The following GUCY1A1 variants were observed in gnomAD, a reference collection of about 807,000 sequenced individuals.
GUCY1A1 encodes guanylate cyclase 1 soluble subunit alpha 1.
Under a neutral mutation model 64.5 loss-of-function variants are expected in GUCY1A1, and 48 were observed. That is an observed-to-expected ratio of 0.74 (90% CI 0.59 to 0.95). The LOEUF (loss-of-function observed/expected upper bound fraction) is 0.95, where lower values mean the gene tolerates loss of function less well. GUCY1A1 is among the 40% of genes least tolerant of loss of function. The pLI, the probability that GUCY1A1 is intolerant of heterozygous loss-of-function variation, is 0.00. For missense variants in GUCY1A1, 804 were observed against 825.3 expected (o/e 0.97, Z 0.32); for synonymous variants, 308 against 303.4 (o/e 1.02, Z -0.16).
At chr4:155,685,882 C>T (rs544905406) in intron 2 of GUCY1A1, among the ~76,000 whole-genome samples, 1 of 152,106 alleles carries the variant, frequency 6.6e-6, no homozygotes, top group Non-Finnish European at 1.5e-5. Flanking sequence ...GCCAGTTTGT[C>T]TTTCCCCTAC....
intron 2 of GUCY1A1, among the ~76,000 whole-genome samples, chr4:155,672,979 G>A (rs75600951): frequency 0.094 from 14,330 of 152,066 alleles, 884 homozygotes; most frequent in South Asian, 0.22. Context: ...TATGGATATT[G>A]TTTTCTTAAG....
chr4:155,732,985 TA>T lies in GUCY1A1; in HGVS notation c.*2758del, dbSNP rs1309725415. 6.6e-6 allele frequency among the ~76,000 whole-genome samples: 1 copy of T among 151,924 alleles called. No homozygotes were observed. Among genetic ancestry groups the T allele is most frequent in the Non-Finnish European group, 1.5e-5 (1 of 67,898 alleles). On this transcript the variant is annotated 3_prime_UTR_variant, in exon 10 of 10. Coordinates refer to ENST00000506455, the MANE Select transcript of GUCY1A1 (RefSeq NM_001130682.3). ...CAAGAAGCAAAGGGAAATACAGAAT[TA>T]AAATGTTTCTTTCCATTTTGCTTTG...
At chr4:155,686,088 A>G (rs1274656254) in intron 2 of GUCY1A1, among the ~76,000 whole-genome samples, 2 of 152,196 alleles carry the variant, frequency 1.3e-5, no homozygotes, top group African/African-American at 2.4e-5. Context: ...GTTTGCACAA[A>G]TATCTTAAAG....
rs185313059 is a variant in GUCY1A1 at position 155,682,556 on chromosome 4, C to T, written c.-112-14200C>T. 2.2e-3 allele frequency among the ~76,000 whole-genome samples: 339 copies of T among 152,074 alleles called. 5 individuals carry two copies. The highest frequency in any genetic ancestry group is 7.6e-3 in the African/African-American group (314 of 41,472). ...GCGTGGTGGTGTGTGCCTGTAATCC[C>T]AACTACACAGGAGGCTGAGGCCGGA... On this transcript the variant is annotated intron_variant, in intron 2 of 9. Coordinates refer to ENST00000506455, the MANE Select transcript of GUCY1A1 (RefSeq NM_001130682.3).
rs147854182 is a variant in GUCY1A1, at chr4:155,702,979, T to TTA, written c.256-945_256-944dup. On this transcript the variant is annotated intron_variant, in intron 3 of 9. Transcript: ENST00000506455. ...GGTTCTATATATATAATATATAGTTTTATATATATCTCTATATATACACAC... is the reference window on the plus strand; with the variant it reads ...GGTTCTATATATATAATATATAGTTTTATATATATATCTCTATATATACACAC... Among the ~76,000 whole-genome samples the TTA allele has an allele frequency of 9.5e-3, 1,436 of 150,572 alleles. 22 individuals are homozygous for TTA. Among genetic ancestry groups the TTA allele is most frequent in the African/African-American group, 0.032 (1,338 of 41,268 alleles).
intron 8 of GUCY1A1, among the ~76,000 whole-genome samples, chr4:155,717,861 C>T (rs762127002): frequency 7.2e-5 from 11 of 152,144 alleles, no homozygotes; most frequent in Admixed American, 2.0e-4. Flanking sequence ...TTGTGCCTGC[C>T]GAATCTCATG....
At chr4:155,667,783 A>G (rs1733551962) in intron 2 of GUCY1A1, 1 of 151,692 alleles carries the variant, frequency 6.6e-6, no homozygotes, top group Admixed American at 6.6e-5. Flanking sequence ...TGGGCCCCAG[A>G]GCCCATCAGC....
At chr4:155,690,062 A>G (rs1326546923) in intron 2 of GUCY1A1, among the ~76,000 whole-genome samples, 1 of 152,222 alleles carries the variant, frequency 6.6e-6, no homozygotes, top group Non-Finnish European at 1.5e-5. Flanking sequence ...CCAAAATGAG[A>G]TTTTAACAGA....
At chr4:155,710,310 G>A (rs3796591) in intron 5 of GUCY1A1, among the ~76,000 whole-genome samples, 20,468 of 152,146 alleles carry the variant, frequency 0.13, 1,490 homozygotes, top group South Asian at 0.21. Flanking sequence ...ATACTCAACC[G>A]GTCATTCTTT....
At chr4:155,680,845 A>C (rs1219533225) in intron 2 of GUCY1A1, among the ~76,000 whole-genome samples, 1 of 151,846 alleles carries the variant, frequency 6.6e-6, no homozygotes, top group Non-Finnish European at 1.5e-5. Context: ...TACATCTGGG[A>C]TGGCAGAGGC....
chr4:155,731,984 A>G lies in GUCY1A1; in HGVS notation c.*1753A>G, dbSNP rs1735603847. ...AAAGTATAGTTACATCCTCACAAAT[A>G]TATGAAGTTAAGTCACTACTTACAA... On this transcript the variant is annotated 3_prime_UTR_variant, in exon 10 of 10. Transcript: ENST00000506455. 6.7e-6 allele frequency: 1 copy of G among 150,264 alleles called. No homozygotes were observed. The highest frequency in any genetic ancestry group is 1.5e-5 in the Non-Finnish European group (1 of 67,620). 9.3% of individuals were successfully genotyped at this position (150,264 alleles called of 1,614,324 possible). A position where few individuals can be genotyped will look rare whatever the true frequency, so the allele number is the denominator to read the frequency against.
rs763530821 is a variant in GUCY1A1 at position 155,696,858 on chromosome 4, C to T, written c.-10C>T. ...GAGGAGATCGCAGCAGGGTAAGAGACACCAACACCATGTTCTGCACGAAGC... is the reference window on the plus strand; with the variant it reads ...GAGGAGATCGCAGCAGGGTAAGAGATACCAACACCATGTTCTGCACGAAGC... On this transcript the variant is annotated 5_prime_UTR_variant, in exon 3 of 10. Coordinates refer to ENST00000506455, the MANE Select transcript of GUCY1A1 (RefSeq NM_001130682.3). 1.9e-6 allele frequency: 3 copies of T among 1,612,848 alleles called. No homozygotes were observed. Among genetic ancestry groups the T allele is most frequent in the Non-Finnish European group, 8.5e-7 (1 of 1,179,026 alleles).
chr4:155,708,533 T>G (rs1437819187), intron 5 of GUCY1A1, among the ~76,000 whole-genome samples: 1 of 152,182 alleles, frequency 6.6e-6, no homozygotes, highest in Non-Finnish European at 1.5e-5. Flanking sequence ...GGAAGCTGTC[T>G]CACAGATATT....
intron 2 of GUCY1A1, among the ~76,000 whole-genome samples, chr4:155,679,578 A>G (rs903934135): frequency 2.6e-5 from 4 of 152,170 alleles, no homozygotes; most frequent in Non-Finnish European, 4.4e-5. Context: ...GTAGAGCAAG[A>G]ACTCACTGGC....
At chr4:155,686,200 G>T (rs1007401304) in intron 2 of GUCY1A1, among the ~76,000 whole-genome samples, 5 of 152,204 alleles carry the variant, frequency 3.3e-5, no homozygotes, top group Non-Finnish European at 7.3e-5. Context: ...TATTGGCCAG[G>T]CGTGATGGCT....
chr4:155,732,323 C>A lies in GUCY1A1; in HGVS notation c.*2092C>A, dbSNP rs995243548. The stretch of plus-strand genomic sequence containing the variant: ...CTTTTCTATAAACGTGGCATTATAT[C>A]TAAATAAAAAATTACCAAAAAACAT... On this transcript the variant is annotated 3_prime_UTR_variant, in exon 10 of 10. Transcript: ENST00000506455. 2 of 151,696 alleles carry A rather than the reference C, an allele frequency of 1.3e-5. No individual in the cohort carries two copies. Among genetic ancestry groups the A allele is most frequent in the African/African-American group, 4.8e-5 (2 of 41,366 alleles). The allele number at this position is 151,696 out of a possible 1,614,324, so 9.4% of individuals were successfully genotyped here.
intron 2 of GUCY1A1, among the ~76,000 whole-genome samples, chr4:155,692,610 G>C (rs918995724): frequency 6.6e-6 from 1 of 152,174 alleles, no homozygotes; most frequent in African/African-American, 2.4e-5. Context: ...CTTTTGAAAA[G>C]TGTCTTTTTC....
intron 3 of GUCY1A1, among the ~76,000 whole-genome samples, chr4:155,701,793 C>T (rs976131195): frequency 2.2e-5 from 3 of 135,978 alleles, no homozygotes; most frequent in African/African-American, 2.8e-5. Flanking sequence ...CAGAGCAAAA[C>T]TCTATATCCA....
At chr4:155,719,433 C>T (rs763695100) in intron 8 of GUCY1A1, among the ~76,000 whole-genome samples, 13 of 151,810 alleles carry the variant, frequency 8.6e-5, no homozygotes, top group Non-Finnish European at 1.8e-4. Context: ...TTTAAAGAGG[C>T]ATCTACACTG....
Sources: allele counts gnomAD v4.1 joint callset (sites outside exome capture counted in the v4.1 genomes callset), GRCh38; gene constraint gnomAD v4.1.1; transcripts MANE v1.5; gene names NCBI Gene and HGNC (gene_info 2026-07-23, HGNC 2026-07-21).